Variants in MSR1 observed in about 807,000 individuals in gnomAD.
The protein encoded by MSR1 is macrophage scavenger receptor 1.
Under a neutral mutation model 47.2 loss-of-function variants are expected in MSR1, and 53 were observed. That is an observed-to-expected ratio of 1.12 (90% CI 0.90 to 1.41). The LOEUF (loss-of-function observed/expected upper bound fraction) is 1.41, where lower values mean the gene tolerates loss of function less well. Among genes scored for constraint, MSR1 ranks in the 40% most tolerant of loss-of-function variants. The probability of loss-of-function intolerance (pLI) is 0.00; values close to 1 mark genes in which losing one functional copy is unlikely to be tolerated. For missense variants in MSR1, 786 were observed against 546.9 expected (o/e 1.44, Z -4.36); for synonymous variants, 239 against 185.6 (o/e 1.29, Z -2.34).
Position 16,118,305 on chromosome 8 carries a change from T to C in MSR1, c.1222+2113A>G, listed in dbSNP as rs1001920167. On this transcript the variant is annotated intron_variant, in intron 9 of 9. Transcript: ENST00000262101. ...CATGGATAAGACTCGTTATGTCCTC[T>C]ATTAGAACTGTGGGTGTCCCCTTCA... Among the ~76,000 whole-genome samples the C allele has an allele frequency of 2.0e-5, 3 of 152,214 alleles. No homozygotes were observed. In the South Asian group the frequency reaches 6.2e-4, roughly 31 times the overall value.
chr8:16,154,941 C>T (rs1478843846), intron 6 of MSR1, 123 bp downstream of exon 6: 2 of 811,728 alleles, frequency 2.5e-6, no homozygotes, highest in Non-Finnish European at 4.1e-6. Context: ...TGCATACACA[C>T]ACACACACAC....
intron 9 of MSR1, among the ~76,000 whole-genome samples, chr8:16,112,856 C>T (rs556941564): frequency 1.3e-5 from 2 of 151,532 alleles, no homozygotes; most frequent in African/African-American, 4.8e-5. Context: ...CATCTTTCCA[C>T]CTATATACCT....
intron 9 of MSR1, among the ~76,000 whole-genome samples, chr8:16,112,226 T>C (rs1201903916): frequency 6.6e-6 from 1 of 152,212 alleles, no homozygotes; most frequent in Non-Finnish European, 1.5e-5. Flanking sequence ...TGAAAATTTT[T>C]TAAGTGCTTG....
At chr8:16,136,757 C>T (rs546543475) in intron 8 of MSR1, among the ~76,000 whole-genome samples, 2 of 152,188 alleles carry the variant, frequency 1.3e-5, no homozygotes, top group Admixed American at 1.3e-4. Context: ...CATGCACAAC[C>T]ACACCCAGCT....
intron 4 of MSR1, among the ~76,000 whole-genome samples, chr8:16,166,250 A>C (rs1801305660): frequency 7.3e-6 from 1 of 137,380 alleles, no homozygotes; most frequent in African/African-American, 2.7e-5. Flanking sequence ...GGCTCCCTGC[A>C]ACCTCCACCT....
At chr8:16,188,283 A>T (rs1802060745) in intron 1 of MSR1, among the ~76,000 whole-genome samples, 1 of 152,054 alleles carries the variant, frequency 6.6e-6, no homozygotes, top group African/African-American at 2.4e-5. Context: ...AAACATTTTA[A>T]TAATATTATA....
chr8:16,154,024 G>A (rs1297095854), intron 6 of MSR1, among the ~76,000 whole-genome samples: 1 of 151,628 alleles, frequency 6.6e-6, no homozygotes, highest in Non-Finnish European at 1.5e-5. Flanking sequence ...TGTGTACCTG[G>A]ATGTATATCA....
chr8:16,167,243 T>A (rs1801338831), intron 4 of MSR1, among the ~76,000 whole-genome samples: 1 of 152,070 alleles, frequency 6.6e-6, no homozygotes, highest in African/African-American at 2.4e-5. Flanking sequence ...ATGTTTGGGT[T>A]CAAAAGCATT....
chr8:16,190,528 A>C, intron 1 of MSR1, among the ~76,000 whole-genome samples: 1 of 151,946 alleles, frequency 6.6e-6, no homozygotes, highest in East Asian at 1.9e-4. Context: ...TCTGTCATAC[A>C]TTGTTCTTCT....
chr8:16,138,574 T>G (rs1262163149), intron 8 of MSR1, among the ~76,000 whole-genome samples: 2 of 152,156 alleles, frequency 1.3e-5, no homozygotes, highest in Admixed American at 1.3e-4. Flanking sequence ...GGATGTCAGA[T>G]GACTTTTTAA....
intron 6 of MSR1, among the ~76,000 whole-genome samples, chr8:16,154,735 G>T (rs977744767): frequency 6.6e-6 from 1 of 151,908 alleles, no homozygotes; most frequent in Non-Finnish European, 1.5e-5. Flanking sequence ...GGTTAGGTCT[G>T]CCTTATACTG....
chr8:16,182,886 T>G (rs1170316605), intron 1 of MSR1, among the ~76,000 whole-genome samples: 1 of 152,038 alleles, frequency 6.6e-6, no homozygotes, highest in East Asian at 1.9e-4. Context: ...ACCATTAACA[T>G]TTATTATCAA....
chr8:16,146,360 C>T (rs1246661925), intron 7 of MSR1, among the ~76,000 whole-genome samples: 1 of 151,908 alleles, frequency 6.6e-6, no homozygotes, highest in African/African-American at 2.4e-5. Context: ...GTACTCAGAT[C>T]CTTCCTTCAA....
intron 1 of MSR1, among the ~76,000 whole-genome samples, chr8:16,178,318 T>C (rs1563168634): frequency 6.9e-6 from 1 of 144,660 alleles, no homozygotes; most frequent in African/African-American, 2.5e-5. Flanking sequence ...TGTGTTCTCA[T>C]TGTTCAATTT....
Position 16,144,085 on chromosome 8 carries a change from G to A in MSR1, c.980-474C>T, listed in dbSNP as rs576575165. Among the ~76,000 whole-genome samples the A allele has an allele frequency of 7.2e-5, 11 of 152,124 alleles. 1 individual carries two copies. The highest frequency in any genetic ancestry group is 3.4e-3 in the Middle Eastern group (1 of 294). On this transcript the variant is annotated intron_variant, in intron 7 of 9. Transcript: ENST00000262101. ...GGGAGTGTTGAGATTCTTACTCATG[G>A]GGAAGGTAGGAAGATCCTTGGAGCG...
At chr8:16,187,829 A>C (rs887406808) in intron 1 of MSR1, among the ~76,000 whole-genome samples, 1 of 152,172 alleles carries the variant, frequency 6.6e-6, no homozygotes, top group Non-Finnish European at 1.5e-5. Context: ...CTGAAACAAA[A>C]AATATTACCC....
chr8:16,135,401 G>A (rs1054328676), intron 8 of MSR1, among the ~76,000 whole-genome samples: 3 of 152,124 alleles, frequency 2.0e-5, no homozygotes, highest in African/African-American at 4.8e-5. Flanking sequence ...GTGACAGCAC[G>A]TCTGTTGACA....
At chr8:16,150,760 G>C (rs907515333) in intron 6 of MSR1, among the ~76,000 whole-genome samples, 2 of 151,798 alleles carry the variant, frequency 1.3e-5, no homozygotes, top group African/African-American at 2.4e-5. Flanking sequence ...AAATAAATTG[G>C]TGTCTTGGCT....
chr8:16,179,473 A>C (rs566289762), intron 1 of MSR1, among the ~76,000 whole-genome samples: 2 of 152,286 alleles, frequency 1.3e-5, no homozygotes, highest in South Asian at 4.1e-4. Flanking sequence ...CCAAATAAGG[A>C]ATTTCCTTAG....
Sources: gnomAD v4.1 joint callset for allele counts (sites outside exome capture counted in the v4.1 genomes callset) on GRCh38, gnomAD v4.1.1 for gene constraint, MANE v1.5 for transcripts, NCBI Gene and HGNC (gene_info 2026-07-23, HGNC 2026-07-21) for gene names.